Variants in OR2L13 observed in about 807,000 individuals in gnomAD.
The protein encoded by OR2L13 is olfactory receptor family 2 subfamily L member 13.
In OR2L13, 14 loss-of-function variants were observed where a neutral mutation model predicts 15.3. The ratio of observed to expected loss-of-function variants is 0.91; its 90% CI spans 0.60 to 1.43. The LOEUF (loss-of-function observed/expected upper bound fraction) is 1.43. Ranked by LOEUF, OR2L13 falls within the 40% of genes most tolerant of loss-of-function variation. The pLI is 0.00. For missense variants in OR2L13, 367 were observed against 387.9 expected, an observed-to-expected ratio of 0.95 and a Z score of 0.45; for synonymous variants, 152 against 142.9, an observed-to-expected ratio of 1.06 and a Z score of -0.45.
the OR2L13 span, chr1:247,949,337 A>T: frequency 3.7e-4 from 599 of 1,614,162 alleles, 5 homozygotes; most frequent in South Asian, 6.0e-3. Context: ...CTCACACTGT[A>T]TATGTACTCC....
chr1:247,958,703 T>C, the OR2L13 span, among the ~76,000 whole-genome samples: 1 of 152,098 alleles, frequency 6.6e-6, no homozygotes, highest in South Asian at 2.1e-4. Flanking sequence ...GTAATGGCCT[T>C]CTTTGTCTCT....
At chr1:248,072,219 T>C in the OR2L13 span, among the ~76,000 whole-genome samples, 1 of 152,180 alleles carries the variant, frequency 6.6e-6, no homozygotes, top group Non-Finnish European at 1.5e-5. Context: ...GCTACCTGAC[T>C]TCAAACTATA....
the OR2L13 span, chr1:248,041,724 G>C: frequency 6.6e-6 from 1 of 152,072 alleles, no homozygotes; most frequent in East Asian, 1.9e-4. Context: ...CTTCTCAAAA[G>C]AAGACATTTA....
the OR2L13 span, chr1:247,966,351 C>G: frequency 6.3e-7 from 1 of 1,594,360 alleles, no homozygotes. Flanking sequence ...TGAGCATTAA[C>G]AACATAAAAA....
chr1:248,087,241 T>C, the OR2L13 span, among the ~76,000 whole-genome samples: 6 of 152,298 alleles, frequency 3.9e-5, no homozygotes, highest in African/African-American at 1.4e-4. Context: ...TCATTTGACC[T>C]AATTAACTGC....
At chr1:247,990,381 A>G in the OR2L13 span, 9,148 of 1,581,330 alleles carry the variant, frequency 5.8e-3, 47 homozygotes, top group Non-Finnish European at 7.3e-3. Flanking sequence ...AATGGCTCTA[A>G]TTGGAAACCT....
chr1:248,002,659 C>G, the OR2L13 span, among the ~76,000 whole-genome samples: 1 of 152,096 alleles, frequency 6.6e-6, no homozygotes, highest in African/African-American at 2.4e-5. Flanking sequence ...GAGATCAAGA[C>G]CATCCTGTGT....
chr1:248,098,960 A>C (rs543609149), intron 2 of OR2L13, among the ~76,000 whole-genome samples, 185 bp downstream of exon 2: 51 of 152,350 alleles, frequency 3.3e-4, no homozygotes, highest in Non-Finnish European at 4.7e-4. Flanking sequence ...CTTTCCAGGG[A>C]GGGAAAATTA....
chr1:248,061,447 T>G, the OR2L13 span: 1 of 1,614,048 alleles, frequency 6.2e-7, no homozygotes, highest in Non-Finnish European at 8.5e-7. Context: ...ACCTTTTGTC[T>G]ACACTTATCT....
At chr1:248,096,958 C>T (rs1250258797), upstream of OR2L13, among the ~76,000 whole-genome samples, 7 of 152,170 alleles carry the variant, frequency 4.6e-5, no homozygotes, top group East Asian at 1.9e-4. Flanking sequence ...CTTGAATCTA[C>T]GTGCTATGGG....
At chr1:248,002,613 C>T in the OR2L13 span, among the ~76,000 whole-genome samples, 2 of 152,228 alleles carry the variant, frequency 1.3e-5, no homozygotes, top group Admixed American at 6.5e-5. Context: ...AATCCCAGCA[C>T]TTTGGGAGGC....
chr1:248,100,424 T>C, exon 3 of OR2L13: 1 of 515,136 alleles, frequency 1.9e-6, no homozygotes. Context: ...TTCTAATAGG[T>C]ACATTTAAGC....
the OR2L13 span, among the ~76,000 whole-genome samples, chr1:248,002,641 G>A: frequency 3.9e-5 from 6 of 152,246 alleles, no homozygotes; most frequent in African/African-American, 1.4e-4. Flanking sequence ...GGAGGATCAC[G>A]AGGTCAGGAG....
the OR2L13 span, among the ~76,000 whole-genome samples, chr1:248,014,612 T>C: frequency 4.6e-5 from 7 of 152,228 alleles, no homozygotes; most frequent in Admixed American, 2.6e-4. Flanking sequence ...GCTATATTAC[T>C]CTACAGTCAT....
the OR2L13 span, among the ~76,000 whole-genome samples, chr1:248,064,338 G>A: frequency 6.6e-6 from 1 of 152,206 alleles, no homozygotes; most frequent in East Asian, 1.9e-4. Context: ...GCCATCTAGG[G>A]TGTCGTAGAA....
chr1:247,948,364 C>A, the OR2L13 span, among the ~76,000 whole-genome samples: 1 of 152,228 alleles, frequency 6.6e-6, no homozygotes, highest in African/African-American at 2.4e-5. Flanking sequence ...TTGAATGTAT[C>A]TGAGTTTGCG....
chr1:247,990,392 A>G, the OR2L13 span: 2 of 1,585,400 alleles, frequency 1.3e-6, no homozygotes, highest in African/African-American at 1.3e-5. Flanking sequence ...TTGGAAACCT[A>G]TCCATGATTC....
chr1:248,003,390 G>A, the OR2L13 span: 3 of 1,610,072 alleles, frequency 1.9e-6, no homozygotes, highest in African/African-American at 1.3e-5. Context: ...TTTCTGCATG[G>A]AAACAAGTCT....
chr1:247,963,590 A>G, the OR2L13 span, among the ~76,000 whole-genome samples: 1 of 152,194 alleles, frequency 6.6e-6, no homozygotes, highest in Non-Finnish European at 1.5e-5. Flanking sequence ...GATTTTTAGT[A>G]TAATCGAGAT....
Sources: gnomAD v4.1 joint callset for allele counts (sites outside exome capture counted in the v4.1 genomes callset) on GRCh38, gnomAD v4.1.1 for gene constraint, MANE v1.5 for transcripts, NCBI Gene and HGNC (gene_info 2026-07-23, HGNC 2026-07-21) for gene names.